BMP2K: variants seen among roughly 807,000 people sequenced by gnomAD.
The protein encoded by BMP2K is BMP2 inducible kinase.
A neutral mutation model predicts 116.0 loss-of-function variants in BMP2K; 74 were observed. That is an observed-to-expected ratio of 0.64 (90% CI 0.53 to 0.77). BMP2K has a LOEUF of 0.77. Among genes scored for constraint, BMP2K ranks in the 30% least tolerant of loss-of-function variants. The pLI, the probability that BMP2K is intolerant of heterozygous loss-of-function variation, is 0.00. For missense variants in BMP2K, 1,365 were observed against 1,403.6 expected, an observed-to-expected ratio of 0.97 and a Z score of 0.44; for synonymous variants, 486 against 502.5, an observed-to-expected ratio of 0.97 and a Z score of 0.44.
intron 13 of BMP2K, among the ~76,000 whole-genome samples, chr4:78,874,007 A>G (rs950832417): frequency 2.6e-5 from 4 of 152,042 alleles, no homozygotes; most frequent in African/African-American, 9.7e-5. Context: ...GTGAAACCTC[A>G]TCTCTACTAA....
At chr4:78,808,753 G>A (rs1728943710) in intron 1 of BMP2K, among the ~76,000 whole-genome samples, 1 of 151,964 alleles carries the variant, frequency 6.6e-6, no homozygotes, top group African/African-American at 2.4e-5. Flanking sequence ...ATATCCATAT[G>A]CTCTTGAATT....
intron 1 of BMP2K, among the ~76,000 whole-genome samples, chr4:78,823,739 T>C (rs1433709826): frequency 6.6e-6 from 1 of 151,884 alleles, no homozygotes; most frequent in Non-Finnish European, 1.5e-5. Context: ...GATAAATTCA[T>C]ACACAGACCA....
Position 78,820,292 on chromosome 4 carries a change from A to G in BMP2K, c.179-5745A>G, listed in dbSNP as rs1004338161. On this transcript the variant is annotated intron_variant, in intron 1 of 15. Transcript: ENST00000502613. ...TGGATATGGCTATAGGGCTGAAGCCATTCTAAGGCAAATATACAACCATTT... is the reference window on the plus strand; with the variant it reads ...TGGATATGGCTATAGGGCTGAAGCCGTTCTAAGGCAAATATACAACCATTT... Among the ~76,000 whole-genome samples, 5 of 152,216 alleles carry G rather than the reference A, an allele frequency of 3.3e-5. No homozygotes were observed. In the East Asian group the frequency reaches 9.6e-4, roughly 29 times the overall value.
chr4:78,803,984 A>G (rs1728694297), intron 1 of BMP2K, among the ~76,000 whole-genome samples: 1 of 152,216 alleles, frequency 6.6e-6, no homozygotes, highest in Non-Finnish European at 1.5e-5. Flanking sequence ...TTAACATATC[A>G]TAAACTTTAC....
At chr4:78,781,469 C>G (rs909590243) in intron 1 of BMP2K, among the ~76,000 whole-genome samples, 7 of 145,952 alleles carry the variant, frequency 4.8e-5, no homozygotes, top group Non-Finnish European at 9.0e-5. Context: ...GCCAGTAGTT[C>G]AGACATGTTT....
At chr4:78,887,480 T>C (rs1181285789) in intron 15 of BMP2K, among the ~76,000 whole-genome samples, 196 bp downstream of exon 15, 1 of 152,238 alleles carries the variant, frequency 6.6e-6, no homozygotes, top group African/African-American at 2.4e-5. Context: ...TTTGCCAACA[T>C]AGAAAAATGC....
chr4:78,861,372 A>T lies in BMP2K; in HGVS notation c.988-17A>T, dbSNP rs777865164. 1 of 1,571,836 alleles carries T rather than the reference A, an allele frequency of 6.4e-7. No homozygotes were observed. The highest frequency in any genetic ancestry group is 8.6e-7 in the Non-Finnish European group (1 of 1,157,940). Reference sequence around the variant, plus strand: ...ATAAAAAACTAAAATGAGACGTTTTATTTTTTTTCTTCCAAGAATTCTTCT... The same window carrying T: ...ATAAAAAACTAAAATGAGACGTTTTTTTTTTTTTCTTCCAAGAATTCTTCT... On this transcript the variant is annotated splice_polypyrimidine_tract_variant and intron_variant, in intron 8 of 15. Coordinates refer to ENST00000502613, the MANE Select transcript of BMP2K (RefSeq NM_198892.2).
At chr4:78,837,587 T>C (rs1415733014) in intron 3 of BMP2K, among the ~76,000 whole-genome samples, 1 of 152,234 alleles carries the variant, frequency 6.6e-6, no homozygotes, top group Non-Finnish European at 1.5e-5. Flanking sequence ...AGTTCTTGTT[T>C]TAGCTGCAAA....
intron 10 of BMP2K, among the ~76,000 whole-genome samples, chr4:78,868,568 G>C (rs1471558790): frequency 6.6e-6 from 1 of 152,112 alleles, no homozygotes; most frequent in African/African-American, 2.4e-5. Flanking sequence ...ACAGTCCAAG[G>C]TCTCCTCTGA....
At chr4:78,879,040 CTATCAAAT>C in intron 14 of BMP2K, 149 bp downstream of exon 14, 1 of 1,431,794 alleles carries the variant, frequency 7.0e-7, no homozygotes, top group Middle Eastern at 2.6e-4. Flanking sequence ...TATACATATA[CTATCAAAT>C]TATGTTGTGT....
chr4:78,867,710 C>T (rs924410077), intron 10 of BMP2K, among the ~76,000 whole-genome samples: 2 of 152,082 alleles, frequency 1.3e-5, no homozygotes, highest in Admixed American at 6.6e-5. Flanking sequence ...CTTCCCAGTC[C>T]TTTTTTATGT....
At chr4:78,785,969 T>C (rs1025154677) in intron 1 of BMP2K, among the ~76,000 whole-genome samples, 3 of 152,202 alleles carry the variant, frequency 2.0e-5, no homozygotes, top group African/African-American at 7.2e-5. Flanking sequence ...CAGGACCCCC[T>C]GACCTGAACC....
chr4:78,802,300 A>G (rs1251606668), intron 1 of BMP2K, among the ~76,000 whole-genome samples: 1 of 152,154 alleles, frequency 6.6e-6, no homozygotes, highest in African/African-American at 2.4e-5. Flanking sequence ...TTATGGATTG[A>G]TGCTTTCTTC....
Position 78,913,412 on chromosome 4 carries a change from GAATT to G in BMP2K, c.*1383_*1386del, listed in dbSNP as rs1014576862. The G allele has an allele frequency of 1.3e-5, 2 of 152,114 alleles. No homozygotes were observed. The highest frequency in any genetic ancestry group is 2.9e-5 in the Non-Finnish European group (2 of 67,990). The allele number at this position is 152,114 out of a possible 1,614,324, so 9.4% of individuals were successfully genotyped here. On this transcript the variant is annotated 3_prime_UTR_variant, in exon 16 of 16. Transcript: ENST00000502613. ...ATTTAATGATAGAGATTACATATGT[GAATT>G]AATGTGAATATAGTATCTGTGCTTC... is the stretch of plus-strand genomic sequence containing the variant.
intron 1 of BMP2K, among the ~76,000 whole-genome samples, chr4:78,786,784 CG>C (rs1178151827): frequency 6.6e-6 from 1 of 152,118 alleles, no homozygotes; most frequent in Non-Finnish European, 1.5e-5. Flanking sequence ...CTTTGCTCTG[CG>C]TAGCAACTGT....
rs1735013333 is a variant in BMP2K at position 78,915,884 on chromosome 4, G to C, written c.*3851G>C. 2 of 151,906 alleles carry C rather than the reference G, an allele frequency of 1.3e-5. No individual in the cohort carries two copies. The highest frequency in any genetic ancestry group is 1.3e-4 in the Admixed American group (2 of 15,206). 9.4% of individuals were successfully genotyped at this position (151,906 alleles called of 1,614,324 possible). A position where few individuals can be genotyped will look rare whatever the true frequency, so the allele number is the denominator to read the frequency against. On this transcript the variant is annotated 3_prime_UTR_variant, in exon 16 of 16. Transcript: ENST00000502613. ...ACTATGCTCTTTTTGTGATTGAAAA[G>C]TCATCTAATAGAAGCTGTATAGAAG...
chr4:78,802,280 G>T (rs544460488), intron 1 of BMP2K, among the ~76,000 whole-genome samples: 1 of 152,172 alleles, frequency 6.6e-6, no homozygotes, highest in Non-Finnish European at 1.5e-5. Context: ...GCCTTTGGCT[G>T]TCATCCAGTT....
chr4:78,908,716 C>A (rs996247772), intron 15 of BMP2K, among the ~76,000 whole-genome samples: 1 of 152,102 alleles, frequency 6.6e-6, no homozygotes, highest in Non-Finnish European at 1.5e-5. Flanking sequence ...TTTTAGTACT[C>A]CTCTTCACTT....
chr4:78,870,660 T>G, intron 10 of BMP2K, 123 bp from the exon 11 acceptor site: 2 of 1,325,138 alleles, frequency 1.5e-6, no homozygotes, highest in South Asian at 3.2e-5. Context: ...TATGGAAGTT[T>G]TTGTGTTATA....
Sources: gnomAD v4.1 joint callset for allele counts (sites outside exome capture counted in the v4.1 genomes callset) on GRCh38, gnomAD v4.1.1 for gene constraint, MANE v1.5 for transcripts, NCBI Gene and HGNC (gene_info 2026-07-23, HGNC 2026-07-21) for gene names.